The following NKTR variants were observed in gnomAD, a reference collection of about 807,000 sequenced individuals.
NKTR encodes the protein NK-tumor recognition protein.
Under a neutral mutation model 156.3 loss-of-function variants are expected in NKTR, and 67 were observed. That is an observed-to-expected ratio of 0.43 (90% CI 0.35 to 0.53). The LOEUF (loss-of-function observed/expected upper bound fraction) is 0.53, where lower values mean the gene tolerates loss of function less well. Among genes scored for constraint, NKTR ranks in the 20% least tolerant of loss-of-function variants. The pLI, the probability that NKTR is intolerant of heterozygous loss-of-function variation, is 0.01. For synonymous variants in NKTR, 640 were observed against 596.6 expected (o/e 1.07, Z -1.06); for missense variants, 1,604 against 1,730.9 (o/e 0.93, Z 1.30).
At chr3:42,632,374 T>C (rs1227013275) in intron 8 of NKTR, among the ~76,000 whole-genome samples, 1 of 152,126 alleles carries the variant, frequency 6.6e-6, no homozygotes, top group East Asian at 1.9e-4. Flanking sequence ...CCGGGCCTAT[T>C]TCTTGTTACT....
chr3:42,628,416 T>C (rs1577516267), intron 6 of NKTR: 2 of 985,236 alleles, frequency 2.0e-6, no homozygotes, highest in Non-Finnish European at 1.2e-6. Flanking sequence ...TCAAGTAGTA[T>C]GTTGCTGCAT....
intron 7 of NKTR, 154 bp from the exon 8 acceptor site, chr3:42,631,017 C>T (rs1183854606): frequency 1.4e-6 from 2 of 1,414,252 alleles, no homozygotes; most frequent in African/African-American, 2.9e-5. Context: ...AAGCAGATTT[C>T]AAGTTCTCAT....
chr3:42,642,982 AT>A (rs1559595883), intron 14 of NKTR, among the ~76,000 whole-genome samples: 1 of 152,070 alleles, frequency 6.6e-6, no homozygotes, highest in Non-Finnish European at 1.5e-5. Context: ...GTGGCCCCAG[AT>A]TTCTAGTTCT....
intron 2 of NKTR, among the ~76,000 whole-genome samples, chr3:42,605,501 C>G (rs1031632983): frequency 1.5e-4 from 23 of 152,164 alleles, no homozygotes; most frequent in Admixed American, 2.6e-4. Context: ...TACTTGTGTC[C>G]TTGGTCAAGC....
At chr3:42,641,735 G>A (rs112643080) in intron 13 of NKTR, among the ~76,000 whole-genome samples, 5,412 of 151,974 alleles carry the variant, frequency 0.036, 132 homozygotes, top group Non-Finnish European at 0.056. Context: ...AAAATTAGCC[G>A]GGCGTGGTAG....
intron 2 of NKTR, among the ~76,000 whole-genome samples, chr3:42,603,360 TAA>T (rs376932471): frequency 9.8e-4 from 91 of 92,756 alleles, no homozygotes; most frequent in African/African-American, 2.7e-3. Context: ...ATCTTGTTTC[TAA>T]AAAAAAAAAA....
chr3:42,628,602 G>A (rs562151172), intron 6 of NKTR: 3 of 985,312 alleles, frequency 3.0e-6, no homozygotes, highest in Admixed American at 6.1e-5. Flanking sequence ...TGGGAGGAAC[G>A]GATCAAAGAA....
At chr3:42,621,153 G>A (rs1367286507) in intron 5 of NKTR, 3 of 1,022,406 alleles carry the variant, frequency 2.9e-6, no homozygotes, top group Non-Finnish European at 3.5e-6. Context: ...ATATCATTTA[G>A]CCAAAGTATG....
At chr3:42,604,939 C>G (rs965612792) in intron 2 of NKTR, among the ~76,000 whole-genome samples, 4 of 151,926 alleles carry the variant, frequency 2.6e-5, no homozygotes, top group Non-Finnish European at 5.9e-5. Context: ...ATCCACCTGC[C>G]TCGGCCTCTC....
intron 6 of NKTR, chr3:42,629,599 TTCTC>T (rs1202148378): frequency 5.1e-6 from 5 of 980,062 alleles, no homozygotes; most frequent in African/African-American, 1.8e-5. Flanking sequence ...AGTGATATTT[TTCTC>T]TCTTTCAAAT....
chr3:42,635,522 T>C (rs1015628694), intron 12 of NKTR, 156 bp downstream of exon 12: 2 of 537,228 alleles, frequency 3.7e-6, no homozygotes, highest in Non-Finnish European at 6.4e-6. Context: ...TTGATGAAAG[T>C]AGTACTGTTA....
chr3:42,644,270 C>G (rs924244005), intron 16 of NKTR, among the ~76,000 whole-genome samples: 8 of 152,074 alleles, frequency 5.3e-5, no homozygotes, highest in Non-Finnish European at 7.4e-5. Context: ...ACAGACCTTT[C>G]TTTTGGAAAG....
At chr3:42,612,043 G>C (rs946881440) in intron 2 of NKTR, among the ~76,000 whole-genome samples, 1 of 152,246 alleles carries the variant, frequency 6.6e-6, no homozygotes, top group African/African-American at 2.4e-5. Context: ...TGAGGATGCA[G>C]TGAGCAGAGG....
At chr3:42,644,357 T>A (rs529081132) in intron 16 of NKTR, among the ~76,000 whole-genome samples, 5 of 152,092 alleles carry the variant, frequency 3.3e-5, no homozygotes, top group South Asian at 4.1e-4. Flanking sequence ...TCATTTTTTT[T>A]AAATAAAAAA....
intron 8 of NKTR, among the ~76,000 whole-genome samples, chr3:42,631,606 T>C (rs112126913): frequency 4.6e-5 from 7 of 152,222 alleles, no homozygotes; most frequent in Non-Finnish European, 7.4e-5. Context: ...AGCAATAGCC[T>C]CCTAACTGGT....
chr3:42,640,880 G>C (rs1382039907), intron 13 of NKTR, among the ~76,000 whole-genome samples: 1 of 152,180 alleles, frequency 6.6e-6, no homozygotes, highest in Non-Finnish European at 1.5e-5. Flanking sequence ...CCTGTTGATA[G>C]ATGCAGTTGC....
rs761052283 is a variant in NKTR at position 42,639,038 on chromosome 3, G to A, written c.3334G>A (p.Glu1112Lys). ...CTGTTTACAAAACATTCAGCACGTTGAAGAAAGTGTTCCCAATGGAGTGGA... is the reference window on the plus strand; with the variant it reads ...CTGTTTACAAAACATTCAGCACGTTAAAGAAAGTGTTCCCAATGGAGTGGA... ...VACLQNIQHV[E>K]ESVPNGVEDV... The change falls in exon 13 of 17, where the codon GAA (glutamate) becomes AAA (lysine). Residue 1112 changes from glutamate (E) to lysine (K), a missense_variant. Glu to Lys is a moderately conservative substitution (Grantham distance 56). Coordinates refer to ENST00000232978, the MANE Select transcript of NKTR (RefSeq NM_005385.4). The A allele has an allele frequency of 2.1e-5, 34 of 1,614,014 alleles. No individual in the cohort carries two copies. Among genetic ancestry groups the A allele is most frequent in the Non-Finnish European group, 2.9e-5 (34 of 1,179,962 alleles).
chr3:42,642,477 T>G (rs755570829), intron 13 of NKTR, 24 bp from the exon 14 acceptor site: 6 of 1,543,098 alleles, frequency 3.9e-6, no homozygotes, highest in Non-Finnish European at 5.4e-6. Context: ...TAATTATATA[T>G]TTTTTCAATT....
intron 6 of NKTR, chr3:42,627,872 G>T (rs1326704467): frequency 1.0e-6 from 1 of 985,250 alleles, no homozygotes; most frequent in Non-Finnish European, 1.2e-6. Flanking sequence ...CCGCTTTTAA[G>T]ATCAATGCAA....
Sources: allele counts gnomAD v4.1 joint callset (sites outside exome capture counted in the v4.1 genomes callset), GRCh38; gene constraint gnomAD v4.1.1; transcripts MANE v1.5; gene names NCBI Gene and HGNC (gene_info 2026-07-23, HGNC 2026-07-21).